Variants in PLXDC2 observed in about 807,000 individuals in gnomAD.
The protein encoded by PLXDC2 is plexin domain-containing protein 2.
In PLXDC2, 40 loss-of-function variants were observed where a neutral mutation model predicts 68.9. The ratio of observed to expected loss-of-function variants is 0.58; its 90% CI spans 0.45 to 0.76. The LOEUF (loss-of-function observed/expected upper bound fraction) is 0.76, where lower values mean the gene tolerates loss of function less well. PLXDC2 is among the 30% of genes least tolerant of loss of function. The pLI is 0.00. For missense variants in PLXDC2, 644 were observed against 661.9 expected, an observed-to-expected ratio of 0.97 and a Z score of 0.30; for synonymous variants, 243 against 234.2, an observed-to-expected ratio of 1.04 and a Z score of -0.34.
intron 1 of PLXDC2, among the ~76,000 whole-genome samples, chr10:19,970,847 C>T (rs1834338105): frequency 6.6e-6 from 1 of 152,148 alleles, no homozygotes. Context: ...CCTGGTGTTG[C>T]ACTGATGCCC....
intron 4 of PLXDC2, among the ~76,000 whole-genome samples, chr10:20,084,481 A>C (rs1833162892): frequency 6.6e-6 from 1 of 152,114 alleles, no homozygotes; most frequent in Non-Finnish European, 1.5e-5. Context: ...ACCTTATAGC[A>C]GGCCTTGTAA....
chr10:19,887,183 C>G (rs1837862487), intron 1 of PLXDC2, among the ~76,000 whole-genome samples: 1 of 152,078 alleles, frequency 6.6e-6, no homozygotes, highest in African/African-American at 2.4e-5. Flanking sequence ...GAGTATGGAT[C>G]AGTTATTCAT....
Position 20,279,752 on chromosome 10 carries a change from A to G in PLXDC2, c.1523A>G (p.His508Arg), listed in dbSNP as rs1836056721. 2 of 1,614,030 alleles carry G rather than the reference A, an allele frequency of 1.2e-6. No homozygotes were observed. The highest frequency in any genetic ancestry group is 1.1e-5 in the South Asian group (1 of 91,080). The change falls in exon 14 of 14, where the codon CAT becomes CGT. Residue 508 changes from histidine to arginine, a missense_variant. His to Arg is a conservative substitution (Grantham distance 29). This residue lies in a region of PLXDC2 where 330 missense variants were observed against 327.9 expected (regional missense o/e 1.01). Coordinates refer to ENST00000377252, the MANE Select transcript of PLXDC2 (RefSeq NM_032812.9). ...ATGAAGTTTAGAAGAGGCTCTGGACATCCTGCCTATGCTGAAGTTGAACCA... is the reference window on the plus strand; with the variant it reads ...ATGAAGTTTAGAAGAGGCTCTGGACGTCCTGCCTATGCTGAAGTTGAACCA... ...PAMKFRRGSG[H>R]PAYAEVEPVG...
intron 4 of PLXDC2, among the ~76,000 whole-genome samples, chr10:20,136,346 A>G (rs939755868): frequency 3.9e-5 from 6 of 152,208 alleles, no homozygotes; most frequent in African/African-American, 1.2e-4. Context: ...TTTGTTAAAA[A>G]ATCTGACAAG....
chr10:20,084,923 A>G (rs1487979046), intron 4 of PLXDC2, among the ~76,000 whole-genome samples: 1 of 151,858 alleles, frequency 6.6e-6, no homozygotes, highest in East Asian at 1.9e-4. Flanking sequence ...CTGGAAAAGT[A>G]TCCCTATCGA....
In PLXDC2 at chr10:20,287,979, C is replaced by CGGGGGGGGGG. The variant is rs748974758; in HGVS notation, c.*8165_*8166insGGGGGGGGGG. Reference sequence around the variant, plus strand: ...AGAAGAAATTGGGCACTTCTTGCGGCGGGGGAGGGGGGGGGGGCGGTGGCT... The same window carrying CGGGGGGGGGG: ...AGAAGAAATTGGGCACTTCTTGCGGCGGGGGGGGGGGGGGGAGGGGGGGGGGGCGGTGGCT... On this transcript the variant is annotated 3_prime_UTR_variant, in exon 14 of 14. Coordinates refer to ENST00000377252, the MANE Select transcript of PLXDC2 (RefSeq NM_032812.9). 23 of 12,358 alleles carry CGGGGGGGGGG rather than the reference C, an allele frequency of 1.9e-3. No homozygotes were observed. Among genetic ancestry groups the CGGGGGGGGGG allele is most frequent in the South Asian group, 5.9e-3 (3 of 506 alleles). 0.8% of individuals were successfully genotyped at this position (12,358 alleles called of 1,614,324 possible).
At chr10:19,987,240 C>G (rs1254876470) in intron 1 of PLXDC2, among the ~76,000 whole-genome samples, 1 of 152,144 alleles carries the variant, frequency 6.6e-6, no homozygotes, top group South Asian at 2.1e-4. Context: ...TCAGCCTTTT[C>G]CAGAGAGGTT....
intron 3 of PLXDC2, among the ~76,000 whole-genome samples, chr10:20,053,860 C>T (rs551431989): frequency 2.0e-5 from 3 of 152,182 alleles, no homozygotes; most frequent in Admixed American, 1.3e-4. Flanking sequence ...CCTGCCTTTA[C>T]TGCCTCGCAG....
intron 4 of PLXDC2, among the ~76,000 whole-genome samples, chr10:20,073,148 C>T (rs1304311340): frequency 6.6e-6 from 1 of 152,126 alleles, no homozygotes; most frequent in African/African-American, 2.4e-5. Context: ...CCTCTTGAAC[C>T]TGTTTCTACA....
intron 1 of PLXDC2, among the ~76,000 whole-genome samples, chr10:19,975,270 C>T (rs12243525): frequency 0.015 from 2,205 of 151,832 alleles, 54 homozygotes; most frequent in African/African-American, 0.051. Context: ...CTGGCTAACA[C>T]GGTGAAACCC....
At chr10:20,270,390 T>A (rs535254682) in intron 13 of PLXDC2, among the ~76,000 whole-genome samples, 12 of 152,292 alleles carry the variant, frequency 7.9e-5, no homozygotes, top group African/African-American at 2.9e-4. Flanking sequence ...ATGACTGAGA[T>A]TCCAAGAAAG....
At chr10:20,226,862 T>C (rs1338848333) in intron 12 of PLXDC2, among the ~76,000 whole-genome samples, 1 of 152,070 alleles carries the variant, frequency 6.6e-6, no homozygotes, top group African/African-American at 2.4e-5. Context: ...CCTGTTCCTA[T>C]CAGAAACCCG....
At chr10:19,897,205 G>C (rs973866636) in intron 1 of PLXDC2, among the ~76,000 whole-genome samples, 7 of 150,900 alleles carry the variant, frequency 4.6e-5, no homozygotes, top group Non-Finnish European at 1.0e-4. Flanking sequence ...ATGTCTCCAT[G>C]TCTCTTCCAT....
At chr10:20,268,695 C>T (rs1406323448) in intron 13 of PLXDC2, among the ~76,000 whole-genome samples, 3 of 152,182 alleles carry the variant, frequency 2.0e-5, no homozygotes, top group Non-Finnish European at 4.4e-5. Context: ...GCACTCCAGA[C>T]ACAAGTAACT....
At chr10:20,092,003 T>G (rs1212014532) in intron 4 of PLXDC2, among the ~76,000 whole-genome samples, 1 of 152,166 alleles carries the variant, frequency 6.6e-6, no homozygotes, top group Non-Finnish European at 1.5e-5. Context: ...AATACATGAG[T>G]GAATTTTATA....
intron 6 of PLXDC2, among the ~76,000 whole-genome samples, chr10:20,153,195 A>G (rs917953092): frequency 3.6e-4 from 55 of 152,164 alleles, no homozygotes; most frequent in African/African-American, 1.3e-3. Context: ...ATATAATATG[A>G]GGTGCTAAGC....
rs2297490 is a variant in PLXDC2, at chr10:20,288,483, C to T, written c.*8664C>T. ...AATGTAAAAATGATTGTATCTGAAT[C>T]TGCACTAATGGTGTCTGAGAGCAAA... On this transcript the variant is annotated 3_prime_UTR_variant, in exon 14 of 14. Transcript: ENST00000377252. 139,564 of 152,062 alleles carry T rather than the reference C, an allele frequency of 0.92. 64,158 individuals are homozygous for T. Among genetic ancestry groups the T allele is most frequent in the Admixed American group, 0.95 (14,529 of 15,284 alleles). The allele number at this position is 152,062 out of a possible 1,614,324, so 9.4% of individuals were successfully genotyped here.
At chr10:20,080,733 G>T (rs7086950) in intron 4 of PLXDC2, among the ~76,000 whole-genome samples, 2 of 151,984 alleles carry the variant, frequency 1.3e-5, no homozygotes, top group Non-Finnish European at 2.9e-5. Flanking sequence ...CACAGACACA[G>T]CCAGGAACAA....
intron 13 of PLXDC2, among the ~76,000 whole-genome samples, chr10:20,246,932 T>C (rs1218272969): frequency 1.3e-5 from 2 of 152,118 alleles, no homozygotes; most frequent in African/African-American, 2.4e-5. Context: ...AATCAAACAA[T>C]TGCTTAAATG....
Sources: allele counts gnomAD v4.1 joint callset (sites outside exome capture counted in the v4.1 genomes callset), GRCh38; gene constraint gnomAD v4.1.1; regional missense constraint gnomAD v4.1.1; transcripts MANE v1.5; gene names NCBI Gene and HGNC (gene_info 2026-07-23, HGNC 2026-07-21).